STARD9: variants seen among roughly 807,000 people sequenced by gnomAD.
STARD9 encodes StAR related lipid transfer domain containing 9.
STARD9 carries 346 observed loss-of-function variants against 399.8 expected under a neutral mutation model. That is an observed-to-expected ratio of 0.87 (90% CI 0.79 to 0.95). The LOEUF is 0.95. Among genes scored for constraint, STARD9 ranks in the 40% least tolerant of loss-of-function variants. The pLI is 0.00. For synonymous variants in STARD9, 2,203 were observed against 2,143.5 expected (o/e 1.03, Z -0.77); for missense variants, 5,832 against 5,667.5 (o/e 1.03, Z -0.93).
rs759661465 is a variant in STARD9 at position 42,693,656 on chromosome 15, G to A, written c.12078G>A (p.Arg4026=). 6.5e-7 allele frequency: 1 copy of A among 1,537,262 alleles called. No homozygotes were observed. Among genetic ancestry groups the A allele is most frequent in the African/African-American group, 1.4e-5 (1 of 73,184 alleles). The change falls in exon 23 of 33, where the codon AGG becomes AGA. Residue 4026 remains arginine, a synonymous_variant. Coordinates refer to ENST00000290607, the MANE Select transcript of STARD9 (RefSeq NM_020759.3). ...CACCACTGAGGCACAGGAGCCAAAGGCTGGGCAACAGCTTTGTGCCTGAGA... is the reference window on the plus strand; with the variant it reads ...CACCACTGAGGCACAGGAGCCAAAGACTGGGCAACAGCTTTGTGCCTGAGA... ...LPPPLRHRSQ[R]LGNSFVPEKV... is the part of the protein sequence containing the mutation.
In STARD9 at chr15:42,662,856, C is replaced by T. The variant is rs1173139457; in HGVS notation, c.833C>T (p.Ser278Phe). The change falls in exon 11 of 33, where the codon TCC becomes TTC. Residue 278 changes from serine to phenylalanine, a missense_variant. Around this residue, in one of 2 missense-constraint regions of STARD9, gnomAD observed 5,828 missense variants for 5,651.1 expected, o/e 1.03. Coordinates refer to ENST00000290607, the MANE Select transcript of STARD9 (RefSeq NM_020759.3). Reference sequence around the variant, plus strand: ...GCTGAAGGAGCCAATATCAACAAGTCCCTTGTGACTCTAGGAATTGTCATC... The same window carrying T: ...GCTGAAGGAGCCAATATCAACAAGTTCCTTGTGACTCTAGGAATTGTCATC... ...RIAEGANINK[S>F]LVTLGIVIST... 1.3e-6 allele frequency: 2 copies of T among 1,537,068 alleles called. No individual in the cohort carries two copies. Among genetic ancestry groups the T allele is most frequent in the African/African-American group, 2.7e-5 (2 of 73,034 alleles).
intron 3 of STARD9, among the ~76,000 whole-genome samples, chr15:42,596,588 C>T (rs1423030806): frequency 2.0e-5 from 3 of 152,176 alleles, no homozygotes; most frequent in East Asian, 3.8e-4. Context: ...CACATACTTG[C>T]ACAGTAAGCC....
chr15:42,681,567 G>A lies in STARD9; in HGVS notation c.2020G>A (p.Glu674Lys), dbSNP rs780383148. 5 of 1,537,014 alleles carry A rather than the reference G, an allele frequency of 3.3e-6. No homozygotes were observed. In the South Asian group the frequency reaches 4.8e-5, roughly 15 times the overall value. ...ILAEEIRAAK[E>K]LEFDQAWISQ... ...AGCAGAAGAGATTCGAGCTGCGAAG[G>A]AACTGGAATTTGACCAAGCTTGGAT... is the stretch of plus-strand genomic sequence containing the variant. Residue 674 changes from glutamate (E) to lysine (K), a missense_variant, in exon 21 of 33, where the codon GAA (glutamate) becomes AAA (lysine). Coordinates refer to ENST00000290607, the MANE Select transcript of STARD9 (RefSeq NM_020759.3).
intron 1 of STARD9, among the ~76,000 whole-genome samples, chr15:42,578,297 G>A (rs1005088850): frequency 6.6e-6 from 1 of 152,018 alleles, no homozygotes; most frequent in Non-Finnish European, 1.5e-5. Flanking sequence ...TTTTAGTAGA[G>A]ACGGGGTTTC....
At chr15:42,600,015 C>T (rs572846911) in intron 3 of STARD9, among the ~76,000 whole-genome samples, 5 of 152,142 alleles carry the variant, frequency 3.3e-5, no homozygotes, top group African/African-American at 1.2e-4. Flanking sequence ...CTTAAAGACT[C>T]TAAGGCAGGA....
At chr15:42,679,029 A>C (rs1566928112) in intron 20 of STARD9, among the ~76,000 whole-genome samples, 1 of 152,196 alleles carries the variant, frequency 6.6e-6, no homozygotes, top group African/African-American at 2.4e-5. Flanking sequence ...AAGGGTAAGG[A>C]GCACCCCTTC....
chr15:42,700,506 G>A (rs2060943451), intron 26 of STARD9, among the ~76,000 whole-genome samples: 1 of 152,036 alleles, frequency 6.6e-6, no homozygotes, highest in African/African-American at 2.4e-5. Context: ...TTGTAGTTTT[G>A]ATTTGGATTT....
At chr15:42,702,295 C>T (rs1314824253) in intron 26 of STARD9, among the ~76,000 whole-genome samples, 1 of 152,028 alleles carries the variant, frequency 6.6e-6, no homozygotes, top group Non-Finnish European at 1.5e-5. Flanking sequence ...CCTCTGCCTC[C>T]CGGGTTCAAA....
chr15:42,712,835 C>T (rs1301601040), intron 26 of STARD9, among the ~76,000 whole-genome samples: 2 of 152,154 alleles, frequency 1.3e-5, no homozygotes, highest in Non-Finnish European at 2.9e-5. Context: ...CCCAGCCTCA[C>T]ACTGTCTTCT....
At chr15:42,703,854 G>A (rs2061021091) in intron 26 of STARD9, among the ~76,000 whole-genome samples, 1 of 151,662 alleles carries the variant, frequency 6.6e-6, no homozygotes, top group East Asian at 1.9e-4. Flanking sequence ...TTTGTTCAGT[G>A]TATTTCACCT....
Position 42,575,652 on chromosome 15 carries a change from T to C in STARD9, c.-64T>C. On this transcript the variant is annotated 5_prime_UTR_variant, in exon 1 of 33. Coordinates refer to ENST00000290607, the MANE Select transcript of STARD9 (RefSeq NM_020759.3). ...GGCTGGGTTGGGGCTGTGTCTGGGC[T>C]TAGGGCGGGGGCCTGGGATGCTGCC... is the stretch of plus-strand genomic sequence containing the variant. 3 of 1,517,154 alleles carry C rather than the reference T, an allele frequency of 2.0e-6. No homozygotes were observed. In the South Asian group the frequency reaches 3.6e-5, roughly 18 times the overall value. The allele number at this position is 1,517,154 out of a possible 1,614,324, so 94.0% of individuals were successfully genotyped here.
Position 42,687,611 on chromosome 15 carries a change from C to T in STARD9, c.6033C>T (p.Cys2011=). 1 of 1,537,010 alleles carries T rather than the reference C, an allele frequency of 6.5e-7. No individual in the cohort carries two copies. Among genetic ancestry groups the T allele is most frequent in the South Asian group, 1.2e-5 (1 of 84,062 alleles). Residue 2011 remains cysteine (C), a synonymous_variant, in exon 23 of 33, where the codon TGC becomes TGT. Coordinates refer to ENST00000290607, the MANE Select transcript of STARD9 (RefSeq NM_020759.3). ...ATGAAAGGTTCCAGTTAGTTGCATG[C>T]CCTCAGGAAAGAAACCCCAGTGAAT... ...PAYERFQLVA[C]PQERNPSECK...
rs371848844 is a variant in STARD9, at chr15:42,612,770, G to A, written c.235-22086G>A. On this transcript the variant is annotated intron_variant, in intron 3 of 32. Transcript: ENST00000290607. ...AGGCCGAGGTGGGCGGATCACCTGA[G>A]GTCAGAAGTTTGAGACCAGCCTGGC... 3.3e-5 allele frequency among the ~76,000 whole-genome samples: 5 copies of A among 152,240 alleles called. No homozygotes were observed. The East Asian group carries it at 5.8e-4, about 18-fold the overall frequency.
At chr15:42,591,720 C>T (rs2058398556) in intron 3 of STARD9, among the ~76,000 whole-genome samples, 1 of 152,208 alleles carries the variant, frequency 6.6e-6, no homozygotes, top group African/African-American at 2.4e-5. Flanking sequence ...CTTTGGCACT[C>T]TTCCTGGTCC....
Position 42,684,350 on chromosome 15 carries a change from G to C in STARD9, c.2772G>C (p.Met924Ile). The change falls in exon 23 of 33, where the codon ATG becomes ATC. Residue 924 changes from methionine (M) to isoleucine (I), a missense_variant. Met to Ile is a conservative substitution (Grantham distance 10). Transcript: ENST00000290607. ...CAGCTCCAGACGCTTGCCTCACCAT[G>C]AGTCCCAACTCTGTTGGCATCCAGG... The part of the protein sequence containing the change: ...GASAPDACLT[M>I]SPNSVGIQEM... 3.3e-6 allele frequency: 5 copies of C among 1,536,464 alleles called. No homozygotes were observed. The highest frequency in any genetic ancestry group is 4.4e-6 in the Non-Finnish European group (5 of 1,146,424).
At chr15:42,704,195 G>GCTAC (rs2061027210) in intron 26 of STARD9, among the ~76,000 whole-genome samples, 1 of 152,194 alleles carries the variant, frequency 6.6e-6, no homozygotes, top group African/African-American at 2.4e-5. Flanking sequence ...ACAGGCATGA[G>GCTAC]CTACCACGCC....
In STARD9 at chr15:42,682,518, G is replaced by A; in HGVS notation, c.2480G>A (p.Ser827Asn). ...CCTCCATGTAGAAGCAAATTGACGA[G>A]TTGCAGTTCTTTGAGCCCCCAAAGA... ...PRPPCRSKLT[S>N]CSSLSPQRLC... The change falls in exon 22 of 33, where the codon AGT (serine) becomes AAT (asparagine). Residue 827 changes from serine (S) to asparagine (N), a missense_variant. Physicochemically the swap from Ser to Asn is conservative, Grantham distance 46. This residue lies in a region of STARD9 where 5,828 missense variants were observed against 5,651.1 expected (regional missense o/e 1.03). Coordinates refer to ENST00000290607, the MANE Select transcript of STARD9 (RefSeq NM_020759.3). 3 of 1,537,196 alleles carry A rather than the reference G, an allele frequency of 2.0e-6. No homozygotes were observed. The highest frequency in any genetic ancestry group is 2.6e-6 in the Non-Finnish European group (3 of 1,146,896).
intron 3 of STARD9, among the ~76,000 whole-genome samples, chr15:42,624,225 T>C (rs1371885379): frequency 6.6e-6 from 1 of 152,184 alleles, no homozygotes; most frequent in Admixed American, 6.5e-5. Flanking sequence ...AGCTATAGTA[T>C]GCTTTCCCAT....
chr15:42,614,198 T>A (rs553651814), intron 3 of STARD9, among the ~76,000 whole-genome samples: 3 of 148,662 alleles, frequency 2.0e-5, no homozygotes, highest in African/African-American at 5.0e-5. Context: ...GTACTCCCAA[T>A]TACTTGGGAG....
Sources: allele counts gnomAD v4.1 joint callset (sites outside exome capture counted in the v4.1 genomes callset), GRCh38; gene constraint gnomAD v4.1.1; regional missense constraint gnomAD v4.1.1; transcripts MANE v1.5; gene names NCBI Gene and HGNC (gene_info 2026-07-23, HGNC 2026-07-21).